Variants in MYO19 observed in about 807,000 individuals in gnomAD.
MYO19 encodes the protein myosin XIX, also known as unconventional myosin-XIX.
In MYO19, 132 loss-of-function variants were observed where a neutral mutation model predicts 129.2. The observed-to-expected ratio is 1.02, with a 90% CI of 0.89 to 1.18. The LOEUF (loss-of-function observed/expected upper bound fraction) is 1.18, where lower values mean the gene tolerates loss of function less well. Ranked by LOEUF, MYO19 falls within the 50% of genes most tolerant of loss-of-function variation. MYO19 has a pLI of 0.00. For missense variants in MYO19, 1,210 were observed against 1,216.7 expected (o/e 0.99, Z 0.08); for synonymous variants, 531 against 477.2 (o/e 1.11, Z -1.47).
intron 11 of MYO19, chr17:36,513,143 C>G: frequency 7.2e-7 from 1 of 1,392,910 alleles, no homozygotes; most frequent in Non-Finnish European, 9.3e-7. Context: ...AGCACTAGTT[C>G]TCTCTTCTGA....
At chr17:36,505,025 T>C in intron 19 of MYO19, 2 of 649,126 alleles carry the variant, frequency 3.1e-6, no homozygotes, top group Non-Finnish European at 5.8e-6. Flanking sequence ...CCCATTCCTC[T>C]GGGCAGTTTC....
intron 20 of MYO19, 86 bp from the exon 21 acceptor site, chr17:36,503,286 T>C: frequency 9.1e-7 from 1 of 1,097,058 alleles, no homozygotes; most frequent in Admixed American, 1.7e-5. Context: ...GTTATTCTAT[T>C]TAATCTGCTC....
intron 7 of MYO19, 125 bp downstream of exon 7, chr17:36,515,733 G>A: frequency 9.7e-7 from 1 of 1,026,428 alleles, no homozygotes; most frequent in East Asian, 2.6e-5. Context: ...CTGAGGCAGT[G>A]AAGGATACAC....
Position 36,497,850 on chromosome 17 carries a change from A to G in MYO19, c.2757+416T>C, listed in dbSNP as rs58388851. The stretch of plus-strand genomic sequence containing the variant: ...TACACCCGCCTCGACTTCCCAAAGT[A>G]CTGGGATTATAGGCGTGAGCCACCG... On this transcript the variant is annotated intron_variant, in intron 25 of 25. Transcript: ENST00000614623. 764 of 170,102 alleles carry G rather than the reference A, an allele frequency of 4.5e-3. 12 individuals carry two copies. The highest frequency in any genetic ancestry group is 0.018 in the African/African-American group (740 of 42,148). The allele number at this position is 170,102 out of a possible 1,614,324, so 10.5% of individuals were successfully genotyped here.
Position 36,506,544 on chromosome 17 carries a change from AG to A in MYO19, c.1708del (p.Leu570CysfsTer23), listed in dbSNP as rs750214844. 6 of 1,589,558 alleles carry A rather than the reference AG, an allele frequency of 3.8e-6. No individual in the cohort carries two copies. Among genetic ancestry groups the A allele is most frequent in the Non-Finnish European group, 5.1e-6 (6 of 1,170,906 alleles). On this transcript the variant is annotated frameshift_variant, in exon 18 of 26. Transcript: ENST00000614623. LOFTEE classifies it high-confidence loss of function. Reference protein sequence around the residue: ...QQSQDPLLMGLFPTNPKEKTQ... With the variant: ...QQSQDPLLMGXFPTNPKEKTQ... ...CTTCTCTTTGGGGTTAGTAGGAAAC[AG>A]CCCCATGAGCAGGGGGTCCTGGGAT...
rs371101828 is a variant in MYO19, at chr17:36,523,650, CAT to C, written c.414+1576_414+1577del. 1.7e-4 allele frequency among the ~76,000 whole-genome samples: 26 copies of C among 152,240 alleles called. No individual in the cohort carries two copies. The East Asian group carries it at 3.3e-3, about 19-fold the overall frequency. On this transcript the variant is annotated intron_variant, in intron 6 of 25. Transcript: ENST00000614623. ...TATATGGCTCTGCTATGCATATACA[CAT>C]GACCATAACCATGTAAATACTGCTT...
chr17:36,539,657 A>T (rs1299862684), upstream of MYO19, among the ~76,000 whole-genome samples: 1 of 152,166 alleles, frequency 6.6e-6, no homozygotes, highest in African/African-American at 2.4e-5. Context: ...TATACACATA[A>T]TAATTACGAG....
rs2070932134 is a variant in MYO19, at chr17:36,495,971, G to A, written c.*280C>T. The A allele has an allele frequency of 8.0e-6, 7 of 872,782 alleles. No homozygotes were observed. The highest frequency in any genetic ancestry group is 3.0e-5 in the East Asian group (1 of 32,950). The allele number at this position is 872,782 out of a possible 1,614,324, so 54.1% of individuals were successfully genotyped here. On this transcript the variant is annotated 3_prime_UTR_variant, in exon 26 of 26. Coordinates refer to ENST00000614623, the MANE Select transcript of MYO19 (RefSeq NM_001163735.2). Reference sequence around the variant, plus strand: ...GTAGTGACAGACAGTCATGACTGCTGCTGAGTTTGATCTGTGAAGGTAGTG... The same window carrying A: ...GTAGTGACAGACAGTCATGACTGCTACTGAGTTTGATCTGTGAAGGTAGTG...
intron 21 of MYO19, among the ~76,000 whole-genome samples, chr17:36,502,180 G>A (rs1480429467): frequency 6.6e-6 from 1 of 152,170 alleles, no homozygotes. Flanking sequence ...TCCTTGGCCT[G>A]TTCTCCCTCT....
intron 9 of MYO19, 130 bp from the exon 10 acceptor site, chr17:36,513,855 G>A (rs1308148967): frequency 1.3e-6 from 1 of 759,284 alleles, no homozygotes; most frequent in Non-Finnish European, 2.1e-6. Context: ...TCCCTTCCGA[G>A]AGCCCACGGC....
chr17:36,525,121 A>C, intron 6 of MYO19, 107 bp downstream of exon 6: 3 of 795,512 alleles, frequency 3.8e-6, no homozygotes, highest in Non-Finnish European at 6.4e-6. Context: ...CTATGTGGGA[A>C]TGATTAGGAA....
chr17:36,539,480 G>T (rs1411989328), upstream of MYO19, among the ~76,000 whole-genome samples: 1 of 151,978 alleles, frequency 6.6e-6, no homozygotes, highest in Non-Finnish European at 1.5e-5. Context: ...ATGCACCAAA[G>T]AATAGATGGA....
chr17:36,505,891 AG>A (rs1422126880), intron 18 of MYO19, among the ~76,000 whole-genome samples: 2 of 152,170 alleles, frequency 1.3e-5, no homozygotes, highest in Non-Finnish European at 2.9e-5. Flanking sequence ...GAGGCTGGGT[AG>A]GAAGGTGCTA....
chr17:36,516,981 A>G (rs922698527), intron 6 of MYO19, among the ~76,000 whole-genome samples: 1 of 152,038 alleles, frequency 6.6e-6, no homozygotes, highest in Admixed American at 6.5e-5. Context: ...ACCAGGGCCT[A>G]CAGCTTTCTC....
Position 36,495,820 on chromosome 17 carries a change from A to AAAGTT in MYO19, c.*426_*430dup. On this transcript the variant is annotated 3_prime_UTR_variant, in exon 26 of 26. Coordinates refer to ENST00000614623, the MANE Select transcript of MYO19 (RefSeq NM_001163735.2). ...TAAATAAATCAACTAATTAAATACT[A>AAAGTT]AAGTTTTGTTCCTTTTTAAAGGAAA... is the stretch of plus-strand genomic sequence containing the variant. The AAAGTT allele has an allele frequency of 8.1e-7, 1 of 1,241,912 alleles. No homozygotes were observed. The highest frequency in any genetic ancestry group is 3.1e-5 in the East Asian group (1 of 32,384). 76.9% of individuals were successfully genotyped at this position (1,241,912 alleles called of 1,614,324 possible). A position where few individuals can be genotyped will look rare whatever the true frequency, so the allele number is the denominator to read the frequency against.
Position 36,496,096 on chromosome 17 carries a change from TG to T in MYO19, c.*154del. 1 of 1,059,136 alleles carries T rather than the reference TG, an allele frequency of 9.4e-7. No homozygotes were observed. Among genetic ancestry groups the T allele is most frequent in the Non-Finnish European group, 1.4e-6 (1 of 734,536 alleles). 65.6% of individuals were successfully genotyped at this position (1,059,136 alleles called of 1,614,324 possible). A position where few individuals can be genotyped will look rare whatever the true frequency, so the allele number is the denominator to read the frequency against. Reference sequence around the variant, plus strand: ...TGGAACCCCAGGCCCACTGACGCACTGGGCACGGGGCTCTGGGTCGAAGGCT... The same window carrying T: ...TGGAACCCCAGGCCCACTGACGCACTGGCACGGGGCTCTGGGTCGAAGGCT... On this transcript the variant is annotated 3_prime_UTR_variant, in exon 26 of 26. Coordinates refer to ENST00000614623, the MANE Select transcript of MYO19 (RefSeq NM_001163735.2).
rs1244618736 is a variant in MYO19 at position 36,505,306 on chromosome 17, G to A, written c.1896C>T (p.Leu632=). ...PNSQGQAQTF[L]QEEVLSQLEA... Reference sequence around the variant, plus strand: ...GCCCGGTGTTAATTACCTCCTCTTGGAGAAAGGTCTGCGCCTGGCCCTGGC... The same window carrying A: ...GCCCGGTGTTAATTACCTCCTCTTGAAGAAAGGTCTGCGCCTGGCCCTGGC... The change falls in exon 19 of 26, where the codon CTC becomes CTT. Residue 632 remains leucine, a synonymous_variant. Coordinates refer to ENST00000614623, the MANE Select transcript of MYO19 (RefSeq NM_001163735.2). 6.2e-7 allele frequency: 1 copy of A among 1,614,202 alleles called. No individual in the cohort carries two copies. Among genetic ancestry groups the A allele is most frequent in the Non-Finnish European group, 8.5e-7 (1 of 1,180,006 alleles).
At chr17:36,513,312 A>G (rs8882) in intron 11 of MYO19, 117 bp downstream of exon 11, 839,009 of 1,579,518 alleles carry the variant, frequency 0.53, 224,069 homozygotes, top group African/African-American at 0.59. Context: ...GTAGCACAGA[A>G]GGGCCCAAAG....
At chr17:36,516,533 G>A (rs370560383) in intron 6 of MYO19, among the ~76,000 whole-genome samples, 5 of 152,246 alleles carry the variant, frequency 3.3e-5, no homozygotes, top group East Asian at 1.9e-4. Flanking sequence ...ACCACGCCTG[G>A]CTAATTTTTT....
Sources: gnomAD v4.1 joint callset for allele counts (sites outside exome capture counted in the v4.1 genomes callset) on GRCh38, gnomAD v4.1.1 for gene constraint, MANE v1.5 for transcripts, NCBI Gene and HGNC (gene_info 2026-07-23, HGNC 2026-07-21) for gene names.